SRRM3: variants seen among roughly 807,000 people sequenced by gnomAD.
SRRM3 encodes the protein serine/arginine repetitive matrix protein 3.
A neutral mutation model predicts 66.2 loss-of-function variants in SRRM3; 27 were observed. The ratio of observed to expected loss-of-function variants is 0.41; its 90% CI spans 0.30 to 0.56. The LOEUF is 0.56. SRRM3 is among the 20% of genes least tolerant of loss of function. The pLI is 0.32. For missense variants in SRRM3, 918 were observed against 991.9 expected (o/e 0.93, Z 1.00); for synonymous variants, 391 against 414.9 (o/e 0.94, Z 0.70).
At chr7:76,223,043 C>A (rs1347049463) in intron 1 of SRRM3, among the ~76,000 whole-genome samples, 2 of 152,194 alleles carry the variant, frequency 1.3e-5, no homozygotes, top group Non-Finnish European at 2.9e-5. Flanking sequence ...GATCTCTCCT[C>A]CAGGGAGACC....
chr7:76,249,312 G>T (rs992300638), intron 3 of SRRM3, among the ~76,000 whole-genome samples: 1 of 151,864 alleles, frequency 6.6e-6, no homozygotes, highest in African/African-American at 2.4e-5. Flanking sequence ...CTTGAACCTG[G>T]AAGGCGGAGG....
In SRRM3 at chr7:76,265,222, T is replaced by A. The variant is rs1356484978; in HGVS notation, c.726-142T>A. The A allele has an allele frequency of 6.9e-6, 4 of 583,326 alleles. No homozygotes were observed. The East Asian group carries it at 1.2e-4, about 18-fold the overall frequency. The allele number at this position is 583,326 out of a possible 1,614,324, so 36.1% of individuals were successfully genotyped here. ...ACCAACACTGCTGATGTACCTTTTA[T>A]AGGAGACTTTAGGGGACTGATGAAC... On this transcript the variant is annotated intron_variant, in intron 9 of 14. Coordinates refer to ENST00000611745, the MANE Select transcript of SRRM3 (RefSeq NM_001110199.3).
At chr7:76,283,670 T>C (rs1364973787) in intron 14 of SRRM3, 2 of 651,618 alleles carry the variant, frequency 3.1e-6, no homozygotes, top group African/African-American at 3.8e-5. Flanking sequence ...ACCTGGGGGA[T>C]TTGGAGGAGG....
At chr7:76,228,390 C>T (rs1468569203) in intron 1 of SRRM3, among the ~76,000 whole-genome samples, 1 of 152,096 alleles carries the variant, frequency 6.6e-6, no homozygotes, top group African/African-American at 2.4e-5. Flanking sequence ...TCAAGCCCCA[C>T]TCCAGATCTA....
At chr7:76,248,157 C>A (rs935374577) in intron 2 of SRRM3, 31 bp from the exon 3 acceptor site, 1 of 1,579,680 alleles carries the variant, frequency 6.3e-7, no homozygotes, top group African/African-American at 1.3e-5. Flanking sequence ...TCTGGGAGAC[C>A]AGCCCCTTCA....
chr7:76,284,754 C>T (rs1563644513), intron 14 of SRRM3, among the ~76,000 whole-genome samples: 2 of 152,322 alleles, frequency 1.3e-5, no homozygotes, highest in South Asian at 2.1e-4. Flanking sequence ...AACCCTGCGA[C>T]GGGGCAGTGT....
At chr7:76,247,609 G>A (rs1242770168) in intron 2 of SRRM3, among the ~76,000 whole-genome samples, 2 of 152,132 alleles carry the variant, frequency 1.3e-5, no homozygotes, top group African/African-American at 2.4e-5. Flanking sequence ...CGAGGGGGTC[G>A]TCTCTCCCCA....
At chr7:76,258,729 A>G (rs10238820) in intron 3 of SRRM3, among the ~76,000 whole-genome samples, 10,954 of 142,422 alleles carry the variant, frequency 0.077, 1,136 homozygotes, top group African/African-American at 0.24. Context: ...AAAAAAAAAA[A>G]AAAAGAAAAA....
intron 1 of SRRM3, among the ~76,000 whole-genome samples, chr7:76,213,159 G>A (rs897313030): frequency 2.6e-5 from 4 of 151,848 alleles, no homozygotes; most frequent in Non-Finnish European, 5.9e-5. Context: ...ACAGGGGACT[G>A]CCACCACGCC....
At chr7:76,221,470 C>T (rs1800719589) in intron 1 of SRRM3, among the ~76,000 whole-genome samples, 1 of 149,772 alleles carries the variant, frequency 6.7e-6, no homozygotes, top group African/African-American at 2.5e-5. Flanking sequence ...TCACACCATT[C>T]TCCTGCCTCA....
At chr7:76,242,658 G>C (rs1371721953) in intron 2 of SRRM3, among the ~76,000 whole-genome samples, 2 of 152,106 alleles carry the variant, frequency 1.3e-5, no homozygotes, top group African/African-American at 4.8e-5. Flanking sequence ...TGGGAGCCCT[G>C]AGCTTGTTTT....
Position 76,280,175 on chromosome 7 carries a change from T to C in SRRM3, c.1009-1266T>C, listed in dbSNP as rs529305479. ...GAGAAACAGAAAGACAGTCGGGTGCTACTGACAGCTCCAAAGCTCTCTGCA... is the reference window on the plus strand; with the variant it reads ...GAGAAACAGAAAGACAGTCGGGTGCCACTGACAGCTCCAAAGCTCTCTGCA... On this transcript the variant is annotated intron_variant, in intron 11 of 14. Coordinates refer to ENST00000611745, the MANE Select transcript of SRRM3 (RefSeq NM_001110199.3). Among the ~76,000 whole-genome samples the C allele has an allele frequency of 2.2e-4, 33 of 151,758 alleles. No individual in the cohort carries two copies. The South Asian group carries it at 6.3e-3, about 29-fold the overall frequency.
At chr7:76,241,819 T>C (rs1245618789) in intron 2 of SRRM3, among the ~76,000 whole-genome samples, 3 of 152,304 alleles carry the variant, frequency 2.0e-5, no homozygotes, top group African/African-American at 2.4e-5. Flanking sequence ...CTACCATTCA[T>C]TGAGCACCTA....
At chr7:76,202,211 G>T (rs531340833) in intron 1 of SRRM3, 144 bp downstream of exon 1, 112 of 152,864 alleles carry the variant, frequency 7.3e-4, no homozygotes, top group Non-Finnish European at 6.9e-4. Context: ...CTGTCCGGGG[G>T]TGCCAGGCGC....
chr7:76,250,925 CT>C (rs1442590738), intron 3 of SRRM3, among the ~76,000 whole-genome samples: 1 of 152,200 alleles, frequency 6.6e-6, no homozygotes, highest in African/African-American at 2.4e-5. Context: ...CCCAGGGCCC[CT>C]GGCAGGCCTG....
At chr7:76,237,888 A>G (rs782616681) in intron 2 of SRRM3, among the ~76,000 whole-genome samples, 1 of 151,492 alleles carries the variant, frequency 6.6e-6, no homozygotes, top group Non-Finnish European at 1.5e-5. Flanking sequence ...CCCCAAGCAA[A>G]AGGTGATGGC....
chr7:76,218,674 C>CTTTTTTTTTTTTTTTTTTTTTT, intron 1 of SRRM3, among the ~76,000 whole-genome samples: 1 of 76,274 alleles, frequency 1.3e-5, no homozygotes, highest in East Asian at 4.4e-4. Context: ...GCTTTCTTTT[C>CTTTTTTTTTTTTTTTTTTTTTT]TTTTTTTTTT....
intron 1 of SRRM3, among the ~76,000 whole-genome samples, chr7:76,228,203 T>A (rs1800927570): frequency 1.3e-5 from 2 of 152,122 alleles, no homozygotes; most frequent in Non-Finnish European, 2.9e-5. Context: ...TTTTGATTAT[T>A]ATAAAATAAA....
chr7:76,250,437 T>C (rs1482837086), intron 3 of SRRM3, among the ~76,000 whole-genome samples: 1 of 152,062 alleles, frequency 6.6e-6, no homozygotes, highest in Admixed American at 6.6e-5. Flanking sequence ...TTTCGCCACA[T>C]TGGCCAGGCT....
Sources: gnomAD v4.1 joint callset for allele counts (sites outside exome capture counted in the v4.1 genomes callset) on GRCh38, gnomAD v4.1.1 for gene constraint, MANE v1.5 for transcripts, NCBI Gene and HGNC (gene_info 2026-07-23, HGNC 2026-07-21) for gene names.